MAST2: variants seen among roughly 807,000 people sequenced by gnomAD.
MAST2 encodes microtubule associated serine/threonine kinase 2.
In MAST2, 70 loss-of-function variants were observed where a neutral mutation model predicts 147.4. That is an observed-to-expected ratio of 0.47 (90% CI 0.39 to 0.58). MAST2 has a LOEUF of 0.58. MAST2 is among the 20% of genes least tolerant of loss of function. The pLI is 0.00. For synonymous variants in MAST2, 869 were observed against 896.8 expected (o/e 0.97, Z 0.55); for missense variants, 2,080 against 2,302.3 (o/e 0.90, Z 1.98).
intron 4 of MAST2, among the ~76,000 whole-genome samples, chr1:45,888,327 C>T (rs547094313): frequency 6.6e-6 from 1 of 151,812 alleles, no homozygotes; most frequent in Non-Finnish European, 1.5e-5. Context: ...TCTGTTATAC[C>T]TCTCAAATAT....
rs1173035718 is a variant in MAST2 at position 45,926,351 on chromosome 1, C to CT, written c.501-33033dup. 5.3e-5 allele frequency among the ~76,000 whole-genome samples: 8 copies of CT among 152,152 alleles called. No individual in the cohort carries two copies. In the East Asian group the frequency reaches 1.3e-3, roughly 26 times the overall value. ...ACTCAGATGTTGCTAATTCTTAGCA[C>CT]TTCATTTTGCTTCCATTACTTTTTT... On this transcript the variant is annotated intron_variant, in intron 4 of 28. Transcript: ENST00000361297.
intron 3 of MAST2, among the ~76,000 whole-genome samples, chr1:45,867,465 C>T (rs1354334458): frequency 6.6e-6 from 1 of 152,100 alleles, no homozygotes; most frequent in Non-Finnish European, 1.5e-5. Flanking sequence ...AGTTCCGTGA[C>T]AGCAAAGACC....
chr1:45,808,326 G>A (rs1182755793), intron 1 of MAST2, among the ~76,000 whole-genome samples: 5 of 152,080 alleles, frequency 3.3e-5, no homozygotes, highest in African/African-American at 1.2e-4. Flanking sequence ...TGCCTCCCAG[G>A]TTCAAGCGTT....
At chr1:45,847,226 T>C in intron 3 of MAST2, 1 of 527,758 alleles carries the variant, frequency 1.9e-6, no homozygotes, top group Non-Finnish European at 3.9e-6. Flanking sequence ...CAAAGCCACA[T>C]CCTTTATACT....
intron 3 of MAST2, among the ~76,000 whole-genome samples, chr1:45,840,155 T>A (rs1032254927): frequency 6.6e-6 from 1 of 152,188 alleles, no homozygotes; most frequent in Non-Finnish European, 1.5e-5. Context: ...TTATTTTTAA[T>A]GGAATGAAGA....
intron 5 of MAST2, among the ~76,000 whole-genome samples, chr1:45,995,826 G>C (rs1645033688): frequency 6.6e-6 from 1 of 152,178 alleles, no homozygotes; most frequent in Non-Finnish European, 1.5e-5. Flanking sequence ...TGTTTGGTTG[G>C]TTCTCAGGGA....
intron 4 of MAST2, among the ~76,000 whole-genome samples, chr1:45,907,947 G>T (rs898888147): frequency 6.0e-4 from 91 of 152,150 alleles, no homozygotes; most frequent in African/African-American, 2.1e-3. Flanking sequence ...GGCATAAATT[G>T]TTCCTGCTAT....
chr1:45,984,299 A>T (rs538484533), intron 5 of MAST2, among the ~76,000 whole-genome samples: 65 of 151,432 alleles, frequency 4.3e-4, no homozygotes, highest in East Asian at 1.2e-3. Context: ...TATTTTATTT[A>T]ATTTTTAATT....
At chr1:45,966,808 T>G (rs1317374575) in intron 5 of MAST2, among the ~76,000 whole-genome samples, 1 of 151,452 alleles carries the variant, frequency 6.6e-6, no homozygotes, top group Non-Finnish European at 1.5e-5. Context: ...GAATAGCTCC[T>G]GTTGCATCAT....
intron 4 of MAST2, among the ~76,000 whole-genome samples, chr1:45,940,899 G>A (rs1463402216): frequency 2.0e-5 from 3 of 152,168 alleles, no homozygotes; most frequent in Non-Finnish European, 2.9e-5. Context: ...GATTACAGGC[G>A]TGAGCCACCG....
intron 3 of MAST2, among the ~76,000 whole-genome samples, chr1:45,835,310 A>G (rs1452729652): frequency 6.6e-6 from 1 of 152,158 alleles, no homozygotes; most frequent in Non-Finnish European, 1.5e-5. Context: ...CAGAGTGCAC[A>G]CAGTTCTGAC....
chr1:45,845,265 T>TG (rs1645395217), intron 3 of MAST2, among the ~76,000 whole-genome samples: 6 of 152,222 alleles, frequency 3.9e-5, no homozygotes, highest in Admixed American at 3.9e-4. Context: ...AGTAAAAAGT[T>TG]ATAAGAGCAG....
intron 4 of MAST2, among the ~76,000 whole-genome samples, chr1:45,958,798 G>A (rs1660010446): frequency 6.6e-6 from 1 of 152,144 alleles, no homozygotes; most frequent in African/African-American, 2.4e-5. Context: ...AATAGATGTT[G>A]CATGAAATGG....
chr1:45,888,080 T>G (rs191001989), intron 4 of MAST2, among the ~76,000 whole-genome samples: 31 of 152,340 alleles, frequency 2.0e-4, no homozygotes, highest in Non-Finnish European at 7.3e-5. Flanking sequence ...TTGAGAATAG[T>G]TGTCATGCTC....
chr1:45,811,850 G>A (rs764166927), intron 1 of MAST2, among the ~76,000 whole-genome samples: 67 of 151,756 alleles, frequency 4.4e-4, no homozygotes, highest in Non-Finnish European at 8.1e-4. Context: ...TAGCCAGGAT[G>A]GTCTTGATCT....
At chr1:45,900,195 A>AAAAAAAAAAAATATT (rs1553226994) in intron 4 of MAST2, among the ~76,000 whole-genome samples, 2 of 93,186 alleles carry the variant, frequency 2.1e-5, no homozygotes, top group African/African-American at 4.6e-5. Context: ...AAAAAAAAAA[A>AAAAAAAAAAAATATT]GATTTACCCT....
chr1:45,992,993 CA>C (rs1339178067), intron 5 of MAST2, among the ~76,000 whole-genome samples: 1 of 152,046 alleles, frequency 6.6e-6, no homozygotes, highest in Non-Finnish European at 1.5e-5. Context: ...TCCCTCATAT[CA>C]ATCTTCAAAT....
At position 45,892,656 on chromosome 1, in the gene MAST2, G is replaced by A. The variant is rs183054589; in HGVS notation, c.500+10261G>A. Among the ~76,000 whole-genome samples, 61 of 152,232 alleles carry A rather than the reference G, an allele frequency of 4.0e-4. 1 individual carries two copies. Among genetic ancestry groups the A allele is most frequent in the African/African-American group, 1.4e-3 (59 of 41,512 alleles). ...AAAATACCTGCCGCAGTCCTTTTCC[G>A]TGGAGCTCTGAGACAACCCTTCTTT... On this transcript the variant is annotated intron_variant, in intron 4 of 28. Transcript: ENST00000361297.
intron 8 of MAST2, among the ~76,000 whole-genome samples, chr1:46,007,563 G>A (rs1321490215): frequency 6.6e-6 from 1 of 152,202 alleles, no homozygotes; most frequent in Non-Finnish European, 1.5e-5. Context: ...ACATTCCAGG[G>A]AAGAAAGACA....
Sources: gnomAD v4.1 joint callset for allele counts (sites outside exome capture counted in the v4.1 genomes callset) on GRCh38, gnomAD v4.1.1 for gene constraint, MANE v1.5 for transcripts, NCBI Gene and HGNC (gene_info 2026-07-23, HGNC 2026-07-21) for gene names.